The following RAPGEF4 variants were observed in gnomAD, a reference collection of about 807,000 sequenced individuals.
The protein encoded by RAPGEF4 is RAP guanine-nucleotide-exchange factor (GEF) 4.
A neutral mutation model predicts 147.9 loss-of-function variants in RAPGEF4; 66 were observed. The ratio of observed to expected loss-of-function variants is 0.45; its 90% CI spans 0.37 to 0.55. RAPGEF4 has a LOEUF of 0.55. RAPGEF4 is among the 20% of genes least tolerant of loss of function. The probability of loss-of-function intolerance (pLI) is 0.00; values close to 1 mark genes in which losing one functional copy is unlikely to be tolerated. For missense variants in RAPGEF4, 1,071 were observed against 1,257.3 expected (o/e 0.85, Z 2.24); for synonymous variants, 419 against 442.7 (o/e 0.95, Z 0.67).
chr2:173,044,066 G>T (rs554248068), intron 29 of RAPGEF4, among the ~76,000 whole-genome samples: 2 of 152,288 alleles, frequency 1.3e-5, no homozygotes, highest in African/African-American at 2.4e-5. Context: ...TCTGTAGACC[G>T]AGCAGCGCTG....
intron 29 of RAPGEF4, among the ~76,000 whole-genome samples, chr2:173,046,039 T>C (rs1490062185): frequency 6.6e-6 from 1 of 152,238 alleles, no homozygotes; most frequent in African/African-American, 2.4e-5. Context: ...CCGGGAATGC[T>C]AGTTAGATTC....
intron 16 of RAPGEF4, among the ~76,000 whole-genome samples, chr2:172,998,864 A>T: frequency 6.6e-6 from 1 of 152,218 alleles, no homozygotes; most frequent in South Asian, 2.1e-4. Flanking sequence ...GACTCAAAAA[A>T]ATATATATTC....
At chr2:172,772,817 G>GT (rs1338424021) in intron 1 of RAPGEF4, among the ~76,000 whole-genome samples, 2 of 152,184 alleles carry the variant, frequency 1.3e-5, no homozygotes, top group Admixed American at 6.5e-5. Context: ...GAAGACAGAA[G>GT]TTTATTTCCT....
intron 4 of RAPGEF4, among the ~76,000 whole-genome samples, chr2:172,886,808 C>T (rs987493720): frequency 2.6e-5 from 4 of 151,986 alleles, no homozygotes; most frequent in African/African-American, 9.7e-5. Context: ...ACATGATGCC[C>T]TATGCAAAGT....
At chr2:172,875,776 GAAGA>G (rs1214414291) in intron 4 of RAPGEF4, among the ~76,000 whole-genome samples, 2 of 152,180 alleles carry the variant, frequency 1.3e-5, no homozygotes, top group Non-Finnish European at 2.9e-5. Flanking sequence ...CCAACTCAGT[GAAGA>G]AAGTCATTGA....
At chr2:172,832,008 A>G (rs1258475571) in intron 4 of RAPGEF4, among the ~76,000 whole-genome samples, 4 of 152,232 alleles carry the variant, frequency 2.6e-5, no homozygotes, top group African/African-American at 4.8e-5. Flanking sequence ...TTAATCTGGC[A>G]TATTATTCTT....
chr2:172,928,965 G>A (rs1316157417), intron 6 of RAPGEF4, among the ~76,000 whole-genome samples: 3 of 152,166 alleles, frequency 2.0e-5, no homozygotes, highest in Non-Finnish European at 4.4e-5. Flanking sequence ...TATTAGTAAT[G>A]TACACAGCTG....
rs569200600 is a variant in RAPGEF4, at chr2:172,937,436, T to C, written c.537+15136T>C. On this transcript the variant is annotated intron_variant, in intron 6 of 30. Coordinates refer to ENST00000397081, the MANE Select transcript of RAPGEF4 (RefSeq NM_007023.4). ...TCGGGTATTTGGTAGAATGTCCCTC[T>C]ATTGGGATTTGTCTAATGTTTTTCT... Among the ~76,000 whole-genome samples the C allele has an allele frequency of 2.0e-5, 3 of 152,294 alleles. No homozygotes were observed. In the South Asian group the frequency reaches 6.2e-4, roughly 32 times the overall value.
At chr2:172,982,332 T>TAGAC (rs144677682) in intron 10 of RAPGEF4, among the ~76,000 whole-genome samples, 11,098 of 152,224 alleles carry the variant, frequency 0.073, 595 homozygotes, top group South Asian at 0.16. Flanking sequence ...ATGCACAAAA[T>TAGAC]GGATGGTTAT....
Position 173,049,036 on chromosome 2 carries a change from AG to A in RAPGEF4, c.2908+383del, listed in dbSNP as rs550910114. The stretch of plus-strand genomic sequence containing the variant: ...AACTCACATCAGCCCTTGATGACTC[AG>A]TTCAGTCAATTATAAACCAGGAAAG... On this transcript the variant is annotated intron_variant, in intron 30 of 30. Transcript: ENST00000397081. 4.0e-3 allele frequency among the ~76,000 whole-genome samples: 603 copies of A among 152,306 alleles called. 5 individuals carry two copies. The highest frequency in any genetic ancestry group is 0.014 in the African/African-American group (577 of 41,560).
chr2:172,956,705 C>T (rs181291820), intron 6 of RAPGEF4, among the ~76,000 whole-genome samples: 16 of 152,234 alleles, frequency 1.1e-4, no homozygotes, highest in Admixed American at 9.1e-4. Context: ...CTCCTGACCT[C>T]GTGATCTGCC....
rs141974227 is a variant in RAPGEF4, at chr2:172,886,307, T to C, written c.445-31495T>C. 1.2e-3 allele frequency among the ~76,000 whole-genome samples: 188 copies of C among 152,336 alleles called. 1 individual carries two copies. Among genetic ancestry groups the C allele is most frequent in the Middle Eastern group, 6.8e-3 (2 of 294 alleles). On this transcript the variant is annotated intron_variant, in intron 4 of 30. Coordinates refer to ENST00000397081, the MANE Select transcript of RAPGEF4 (RefSeq NM_007023.4). Reference sequence around the variant, plus strand: ...ATTATCTATGGCTGCTTTCATGATATAACCACAGAGTTGAGTATCTGCAAG... The same window carrying C: ...ATTATCTATGGCTGCTTTCATGATACAACCACAGAGTTGAGTATCTGCAAG...
chr2:172,964,579 G>A (rs1689639040), intron 8 of RAPGEF4, among the ~76,000 whole-genome samples: 1 of 151,948 alleles, frequency 6.6e-6, no homozygotes, highest in Admixed American at 6.6e-5. Flanking sequence ...TTCAACTAGA[G>A]AGGAGCTCCT....
In RAPGEF4 at chr2:172,998,054, T is replaced by C. The variant is rs189685949; in HGVS notation, c.1579+1500T>C. Among the ~76,000 whole-genome samples, 362 of 152,308 alleles carry C rather than the reference T, an allele frequency of 2.4e-3. 2 individuals carry two copies. The highest frequency in any genetic ancestry group is 5.2e-3 in the Admixed American group (80 of 15,298). On this transcript the variant is annotated intron_variant, in intron 16 of 30. Coordinates refer to ENST00000397081, the MANE Select transcript of RAPGEF4 (RefSeq NM_007023.4). ...TTGGGCAGACACTAAGCTAGATGCT[T>C]TGGACTAGGCAATGTGAACAAGGAA...
intron 1 of RAPGEF4, among the ~76,000 whole-genome samples, chr2:172,785,294 A>G (rs1574830252): frequency 1.3e-5 from 2 of 152,218 alleles, no homozygotes; most frequent in East Asian, 1.9e-4. Flanking sequence ...CACAATGCAC[A>G]CCTATCCATA....
At chr2:172,773,651 C>A (rs952631385) in intron 1 of RAPGEF4, among the ~76,000 whole-genome samples, 3 of 135,226 alleles carry the variant, frequency 2.2e-5, no homozygotes, top group Non-Finnish European at 5.1e-5. Context: ...ACTGCCCCCC[C>A]CGCGGACCAT....
At chr2:172,756,326 G>A (rs1365582207) in intron 1 of RAPGEF4, among the ~76,000 whole-genome samples, 1 of 152,210 alleles carries the variant, frequency 6.6e-6, no homozygotes, top group African/African-American at 2.4e-5. Context: ...GCCCTCTGCT[G>A]CCTTACTGCA....
chr2:172,822,499 TG>T (rs747999906), intron 4 of RAPGEF4, among the ~76,000 whole-genome samples: 2 of 152,220 alleles, frequency 1.3e-5, no homozygotes, highest in Non-Finnish European at 2.9e-5. Flanking sequence ...GAGTTCTACC[TG>T]CTCCCCAAGC....
chr2:172,882,428 G>A (rs1239655376), intron 4 of RAPGEF4, among the ~76,000 whole-genome samples: 3 of 152,148 alleles, frequency 2.0e-5, no homozygotes, highest in African/African-American at 7.2e-5. Context: ...GTTTAATGGA[G>A]TACAGGAACT....
Sources: allele counts gnomAD v4.1 joint callset (sites outside exome capture counted in the v4.1 genomes callset), GRCh38; gene constraint gnomAD v4.1.1; transcripts MANE v1.5; gene names NCBI Gene and HGNC (gene_info 2026-07-23, HGNC 2026-07-21).